TENM2: variants seen among roughly 807,000 people sequenced by gnomAD.
TENM2 encodes teneurin-2.
In TENM2, 52 loss-of-function variants were observed where a neutral mutation model predicts 245.2. The ratio of observed to expected loss-of-function variants is 0.21; its 90% confidence interval spans 0.17 to 0.27. The LOEUF (loss-of-function observed/expected upper bound fraction) is 0.27. Ranked by LOEUF, TENM2 falls within the 10% of genes least tolerant of loss-of-function variation. TENM2 has a pLI of 1.00. For missense variants in TENM2, 3,046 were observed against 3,666.8 expected, an observed-to-expected ratio of 0.83 and a Z score of 4.37; for synonymous variants, 1,363 against 1,438.9, an observed-to-expected ratio of 0.95 and a Z score of 1.19.
chr5:167,946,320 A>T (rs1779616679), intron 3 of TENM2, among the ~76,000 whole-genome samples: 1 of 151,744 alleles, frequency 6.6e-6, no homozygotes, highest in South Asian at 2.1e-4. Flanking sequence ...GACAGGCCTA[A>T]TTGCTGCTCA....
intron 2 of TENM2, among the ~76,000 whole-genome samples, chr5:167,439,410 A>G (rs1475154454): frequency 6.6e-6 from 1 of 152,184 alleles, no homozygotes; most frequent in Non-Finnish European, 1.5e-5. Flanking sequence ...CACCAAATTC[A>G]GTGGTGTAAA....
intron 1 of TENM2, among the ~76,000 whole-genome samples, chr5:167,293,458 G>C (rs1754770986): frequency 6.7e-6 from 1 of 148,896 alleles, no homozygotes; most frequent in African/African-American, 2.5e-5. Context: ...GATCTTAGGT[G>C]ATCCACCCGC....
At chr5:167,464,282 T>C (rs1766506972) in intron 2 of TENM2, among the ~76,000 whole-genome samples, 1 of 152,194 alleles carries the variant, frequency 6.6e-6, no homozygotes, top group African/African-American at 2.4e-5. Flanking sequence ...TGTTTTCTTT[T>C]CTTTTTTCAC....
intron 2 of TENM2, among the ~76,000 whole-genome samples, chr5:167,775,475 A>T (rs1478976864): frequency 6.6e-6 from 1 of 152,226 alleles, no homozygotes; most frequent in Non-Finnish European, 1.5e-5. Context: ...TCCTGACAAA[A>T]GCAGGACTCA....
chr5:167,393,504 C>T (rs1380967614), intron 2 of TENM2, among the ~76,000 whole-genome samples: 1 of 152,096 alleles, frequency 6.6e-6, no homozygotes, highest in East Asian at 1.9e-4. Flanking sequence ...GATTTTAATG[C>T]AGGCACACTC....
At chr5:167,423,666 C>T (rs534552181) in intron 2 of TENM2, among the ~76,000 whole-genome samples, 1 of 152,210 alleles carries the variant, frequency 6.6e-6, no homozygotes, top group East Asian at 1.9e-4. Context: ...GTTGGGCACC[C>T]TGGAAAACAA....
chr5:167,496,291 T>C (rs903386924), intron 2 of TENM2, among the ~76,000 whole-genome samples: 3 of 152,104 alleles, frequency 2.0e-5, no homozygotes, highest in African/African-American at 7.2e-5. Flanking sequence ...CTTTAGAAGA[T>C]TGCCCTGTCT....
At chr5:167,682,371 C>T (rs1756787972) in intron 2 of TENM2, among the ~76,000 whole-genome samples, 1 of 151,862 alleles carries the variant, frequency 6.6e-6, no homozygotes, top group South Asian at 2.1e-4. Flanking sequence ...CTATGTTGGC[C>T]AGGCTAGTCT....
intron 10 of TENM2, among the ~76,000 whole-genome samples, chr5:168,121,938 C>A (rs767003299): frequency 1.2e-4 from 19 of 152,162 alleles, no homozygotes; most frequent in Non-Finnish European, 2.1e-4. Context: ...TGAATTTGTT[C>A]ATAATTTACA....
intron 2 of TENM2, among the ~76,000 whole-genome samples, chr5:167,781,004 G>A (rs1472966916): frequency 1.3e-5 from 2 of 151,950 alleles, no homozygotes; most frequent in African/African-American, 4.8e-5. Context: ...ATCACAAATA[G>A]CACTTAAAAT....
chr5:167,461,937 G>T (rs1766317544), intron 2 of TENM2, among the ~76,000 whole-genome samples: 1 of 152,100 alleles, frequency 6.6e-6, no homozygotes, highest in Non-Finnish European at 1.5e-5. Context: ...CAACAGATTT[G>T]AGGGATTAAT....
chr5:167,977,752 A>G (rs1020935257), intron 4 of TENM2, among the ~76,000 whole-genome samples: 2 of 152,236 alleles, frequency 1.3e-5, no homozygotes, highest in African/African-American at 4.8e-5. Context: ...GAAGAGTTCA[A>G]TGTTGATTAT....
At chr5:167,665,468 G>A (rs1242173046) in intron 2 of TENM2, among the ~76,000 whole-genome samples, 1 of 152,020 alleles carries the variant, frequency 6.6e-6, no homozygotes, top group African/African-American at 2.4e-5. Flanking sequence ...ATTATACTGT[G>A]AAAGAATTTT....
intron 2 of TENM2, among the ~76,000 whole-genome samples, chr5:167,587,712 A>C (rs1021978502): frequency 1.3e-5 from 2 of 152,204 alleles, no homozygotes; most frequent in African/African-American, 4.8e-5. Flanking sequence ...CCGTGGTTTT[A>C]TTCATGAAAT....
chr5:168,166,904 C>T (rs947135353), intron 13 of TENM2, among the ~76,000 whole-genome samples: 1 of 152,086 alleles, frequency 6.6e-6, no homozygotes, highest in Non-Finnish European at 1.5e-5. Context: ...CTTCTCACCC[C>T]CTTGGCTTTC....
rs778128761 is a variant in TENM2 at position 167,484,427 on chromosome 5, C to T, written c.502+108954C>T. On this transcript the variant is annotated intron_variant, in intron 2 of 28. Coordinates refer to ENST00000518659, the Ensembl canonical transcript of TENM2. ...TGTGCATGAAAGAAGGACAATGTGA[C>T]GAGATCTAGGGAGAAGATGTCCATA... Among the ~76,000 whole-genome samples the T allele has an allele frequency of 4.7e-4, 71 of 152,108 alleles. 1 individual carries two copies. The highest frequency in any genetic ancestry group is 8.2e-4 in the Non-Finnish European group (56 of 67,988).
chr5:167,785,809 C>T lies in TENM2; in HGVS notation c.503-90177C>T, dbSNP rs375649429. ...AGAGCATTAGACAAGGGACAGCAAG[C>T]TCAAATGTCCACAAGTACCATGTAG... On this transcript the variant is annotated intron_variant, in intron 2 of 28. Coordinates refer to ENST00000518659, the Ensembl canonical transcript of TENM2. Among the ~76,000 whole-genome samples, 18 of 152,286 alleles carry T rather than the reference C, an allele frequency of 1.2e-4. No individual in the cohort carries two copies. In the South Asian group the frequency reaches 3.7e-3, roughly 32 times the overall value.
intron 2 of TENM2, among the ~76,000 whole-genome samples, chr5:167,522,798 C>T (rs34358194): frequency 0.031 from 4,272 of 137,992 alleles, 101 homozygotes; most frequent in Non-Finnish European, 0.044. Context: ...TACACTTTAC[C>T]CAGCAAATAG....
At chr5:167,144,837 A>T in the TENM2 span, among the ~76,000 whole-genome samples, 3 of 152,216 alleles carry the variant, frequency 2.0e-5, no homozygotes, top group Non-Finnish European at 4.4e-5. Context: ...GCAGTGAATT[A>T]AGACACAAAT....
Sources: allele counts gnomAD v4.1 joint callset (sites outside exome capture counted in the v4.1 genomes callset), GRCh38; gene constraint gnomAD v4.1.1; transcripts MANE v1.5; gene names NCBI Gene and HGNC (gene_info 2026-07-23, HGNC 2026-07-21).